PTPRM: variants seen among roughly 807,000 people sequenced by gnomAD.
PTPRM encodes protein tyrosine phosphatase receptor type M.
In PTPRM, 47 loss-of-function variants were observed where a neutral mutation model predicts 186.7. The observed-to-expected ratio is 0.25, with a 90% CI of 0.20 to 0.32. The LOEUF is 0.32. PTPRM is among the 10% of genes least tolerant of loss of function. The pLI is 1.00. For missense variants in PTPRM, 1,494 were observed against 1,865.0 expected (o/e 0.80, Z 3.66); for synonymous variants, 668 against 674.9 (o/e 0.99, Z 0.16).
At chr18:7,976,140 G>C (rs1436495627) in intron 7 of PTPRM, among the ~76,000 whole-genome samples, 1 of 152,078 alleles carries the variant, frequency 6.6e-6, no homozygotes, top group Non-Finnish European at 1.5e-5. Flanking sequence ...TTGCATTCCA[G>C]CCGGGAGACA....
chr18:7,598,460 C>T (rs2037318956), intron 1 of PTPRM, among the ~76,000 whole-genome samples: 1 of 152,216 alleles, frequency 6.6e-6, no homozygotes, highest in Admixed American at 6.5e-5. Context: ...GTTTATTGAT[C>T]ATCTACTGCA....
At chr18:8,114,910 G>A in intron 13 of PTPRM, 83 bp downstream of exon 13, 1 of 1,095,910 alleles carries the variant, frequency 9.1e-7, no homozygotes, top group South Asian at 1.4e-5. Flanking sequence ...TTTTTGAACT[G>A]GAACTTAATT....
chr18:8,207,839 T>C (rs1245381425), intron 14 of PTPRM, among the ~76,000 whole-genome samples: 1 of 152,218 alleles, frequency 6.6e-6, no homozygotes, highest in African/African-American at 2.4e-5. Flanking sequence ...AATCAGTAAA[T>C]GCCAGTGTTA....
chr18:8,323,875 T>A (rs2095360288), intron 22 of PTPRM, among the ~76,000 whole-genome samples: 1 of 152,094 alleles, frequency 6.6e-6, no homozygotes, highest in Admixed American at 6.5e-5. Flanking sequence ...TCAAAACTAA[T>A]GAAATATCAA....
intron 1 of PTPRM, among the ~76,000 whole-genome samples, chr18:7,761,948 T>G (rs980730551): frequency 6.6e-6 from 1 of 152,222 alleles, no homozygotes; most frequent in Non-Finnish European, 1.5e-5. Flanking sequence ...TCAGCGCTCC[T>G]TTCTAATAAA....
intron 4 of PTPRM, among the ~76,000 whole-genome samples, chr18:7,918,080 G>GTA (rs56699123): frequency 0.072 from 6,755 of 94,302 alleles, 499 homozygotes; most frequent in African/African-American, 0.27. Context: ...TTGTGTGTTT[G>GTA]TGTGTGTGTG....
intron 5 of PTPRM, among the ~76,000 whole-genome samples, chr18:7,948,144 C>T (rs1400246832): frequency 2.1e-5 from 3 of 143,610 alleles, no homozygotes; most frequent in African/African-American, 8.2e-5. Context: ...CACACACACA[C>T]ACACACACAC....
chr18:8,057,145 T>G (rs367580022), intron 7 of PTPRM, among the ~76,000 whole-genome samples: 5 of 151,000 alleles, frequency 3.3e-5, no homozygotes, highest in African/African-American at 1.2e-4. Flanking sequence ...AAAACCATGT[T>G]TGGGAATGAT....
intron 1 of PTPRM, among the ~76,000 whole-genome samples, chr18:7,681,229 A>G (rs538942184): frequency 6.6e-6 from 1 of 152,232 alleles, no homozygotes; most frequent in African/African-American, 2.4e-5. Flanking sequence ...GATAAACTTA[A>G]TGAGCCCATT....
At chr18:8,374,060 G>A (rs2095680597) in intron 24 of PTPRM, among the ~76,000 whole-genome samples, 2 of 152,102 alleles carry the variant, frequency 1.3e-5, no homozygotes, top group South Asian at 4.1e-4. Context: ...CAGAAAAAAG[G>A]AGACACTGCT....
chr18:7,716,835 C>G (rs9973158), intron 1 of PTPRM, among the ~76,000 whole-genome samples: 58,334 of 152,014 alleles, frequency 0.38, 12,774 homozygotes, highest in East Asian at 0.84. Context: ...ATAACAGATG[C>G]TGGAGAGAAT....
intron 19 of PTPRM, among the ~76,000 whole-genome samples, chr18:8,284,024 A>G (rs2147769951): frequency 6.6e-6 from 1 of 152,172 alleles, no homozygotes; most frequent in Admixed American, 6.5e-5. Context: ...TTTTCTTATG[A>G]CATTTCTTGG....
intron 29 of PTPRM, among the ~76,000 whole-genome samples, chr18:8,380,647 G>A (rs941898071): frequency 6.6e-6 from 1 of 152,176 alleles, no homozygotes; most frequent in Admixed American, 6.5e-5. Flanking sequence ...AATCATAGAT[G>A]GTTGAGGTGA....
intron 14 of PTPRM, among the ~76,000 whole-genome samples, chr18:8,240,651 G>GAGAGAGAA (rs1555813523): frequency 2.4e-4 from 8 of 33,848 alleles, no homozygotes; most frequent in African/African-American, 1.4e-3. Context: ...GAGAGAGAGA[G>GAGAGAGAA]AGAAAGAAAG....
intron 21 of PTPRM, among the ~76,000 whole-genome samples, chr18:8,316,212 C>T (rs1345304939): frequency 6.6e-6 from 1 of 152,198 alleles, no homozygotes; most frequent in African/African-American, 2.4e-5. Context: ...AGTCCCAGCT[C>T]CTGCAGTCTC....
At chr18:8,123,073 T>C (rs2092231591) in intron 13 of PTPRM, among the ~76,000 whole-genome samples, 1 of 152,184 alleles carries the variant, frequency 6.6e-6, no homozygotes, top group Admixed American at 6.5e-5. Flanking sequence ...CTCTATACAT[T>C]CATATAGGAA....
intron 3 of PTPRM, among the ~76,000 whole-genome samples, chr18:7,904,988 T>A (rs1198660524): frequency 6.6e-6 from 1 of 152,062 alleles, no homozygotes; most frequent in East Asian, 1.9e-4. Flanking sequence ...TCTTTCCTTT[T>A]TTTTATTTTT....
chr18:8,171,064 G>A (rs2093393859), intron 14 of PTPRM, among the ~76,000 whole-genome samples: 1 of 152,140 alleles, frequency 6.6e-6, no homozygotes, highest in South Asian at 2.1e-4. Flanking sequence ...AAGACCCTTG[G>A]GCTATAGGAG....
intron 22 of PTPRM, among the ~76,000 whole-genome samples, chr18:8,338,405 G>A (rs1308395163): frequency 6.7e-6 from 1 of 150,068 alleles, no homozygotes; most frequent in African/African-American, 2.4e-5. Flanking sequence ...GGTGGTTTCA[G>A]TGTGGTTAAT....
Sources: allele counts gnomAD v4.1 joint callset (sites outside exome capture counted in the v4.1 genomes callset), GRCh38; gene constraint gnomAD v4.1.1; transcripts MANE v1.5; gene names NCBI Gene and HGNC (gene_info 2026-07-23, HGNC 2026-07-21).